Variants in ALKBH8 observed in about 807,000 individuals in gnomAD.
ALKBH8 encodes alkB homolog 8, tRNA methyltransferase, also known as tRNA (carboxymethyluridine(34)-5-O)-methyltransferase ALKBH8.
ALKBH8 carries 36 observed loss-of-function variants against 59.8 expected under a neutral mutation model. The ratio of observed to expected loss-of-function variants is 0.60; its 90% confidence interval spans 0.46 to 0.79. The LOEUF (loss-of-function observed/expected upper bound fraction) is 0.79, where lower values mean the gene tolerates loss of function less well. Ranked by LOEUF, ALKBH8 falls within the 30% of genes least tolerant of loss-of-function variation. The pLI is 0.00. For missense variants in ALKBH8, 768 were observed against 801.0 expected (o/e 0.96, Z 0.50); for synonymous variants, 276 against 273.6 (o/e 1.01, Z -0.09).
At chr11:107,524,464 T>C (rs930516855) in intron 9 of ALKBH8, among the ~76,000 whole-genome samples, 2 of 152,198 alleles carry the variant, frequency 1.3e-5, no homozygotes, top group Non-Finnish European at 2.9e-5. Context: ...ATAAGAAAAC[T>C]AGCTTGTCTC....
At chr11:107,513,817 C>A (rs1265675142) in intron 10 of ALKBH8, among the ~76,000 whole-genome samples, 1 of 151,982 alleles carries the variant, frequency 6.6e-6, no homozygotes, top group Non-Finnish European at 1.5e-5. Flanking sequence ...CATGTTTTCA[C>A]GTATAAGTAA....
At chr11:107,517,265 C>T (rs1039063098) in intron 10 of ALKBH8, among the ~76,000 whole-genome samples, 3 of 152,060 alleles carry the variant, frequency 2.0e-5, no homozygotes, top group African/African-American at 7.2e-5. Context: ...CAAAAGATAA[C>T]AAACGGCGTT....
chr11:107,549,827 A>G lies in ALKBH8; in HGVS notation c.701-4T>C. 1 of 1,543,286 alleles carries G rather than the reference A, an allele frequency of 6.5e-7. No individual in the cohort carries two copies. The highest frequency in any genetic ancestry group is 8.8e-7 in the Non-Finnish European group (1 of 1,139,918). On this transcript the variant is annotated splice_region_variant and splice_polypyrimidine_tract_variant and intron_variant, in intron 6 of 11. Transcript: ENST00000428149. ...GTATCAATATGAGCGGGAATTCCTG[A>G]GATGGAAAACAGGACAACACGTCAC...
intron 10 of ALKBH8, among the ~76,000 whole-genome samples, chr11:107,513,052 G>A (rs569393330): frequency 5.3e-5 from 8 of 152,262 alleles, no homozygotes; most frequent in Non-Finnish European, 1.0e-4. Flanking sequence ...TGACAAATGG[G>A]ACCTAATTAA....
At chr11:107,514,953 C>G (rs1267435779) in intron 10 of ALKBH8, among the ~76,000 whole-genome samples, 2 of 152,152 alleles carry the variant, frequency 1.3e-5, no homozygotes, top group Non-Finnish European at 2.9e-5. Flanking sequence ...CTCTCCTTGC[C>G]AGGCTCTTAT....
chr11:107,521,502 G>A (rs1284669693), intron 10 of ALKBH8, among the ~76,000 whole-genome samples: 1 of 152,028 alleles, frequency 6.6e-6, no homozygotes, highest in Non-Finnish European at 1.5e-5. Context: ...AGGAATGTCA[G>A]CTGCTCTCGT....
Position 107,511,031 on chromosome 11 carries a change from A to G in ALKBH8, c.1293T>C (p.Gly431=). The G allele has an allele frequency of 6.4e-7, 1 of 1,551,270 alleles. No individual in the cohort carries two copies. The highest frequency in any genetic ancestry group is 8.7e-7 in the Non-Finnish European group (1 of 1,146,818). The change falls in exon 11 of 12, where the codon GGT becomes GGC. Residue 431 remains glycine, a synonymous_variant. Transcript: ENST00000428149. Reference sequence around the variant, plus strand: ...CCACAAGGTTTTGGCTACGATCACAACCAATCTGTAACAGAGAAGGAATTC... The same window carrying G: ...CCACAAGGTTTTGGCTACGATCACAGCCAATCTGTAACAGAGAAGGAATTC... The part of the protein sequence containing the change: ...LGINKELYMI[G]CDRSQNLVDI...
intron 6 of ALKBH8, among the ~76,000 whole-genome samples, chr11:107,550,518 G>GC (rs1864444547): frequency 6.6e-6 from 1 of 152,188 alleles, no homozygotes; most frequent in Non-Finnish European, 1.5e-5. Context: ...ACAGGCCTCT[G>GC]CGTCTTTAAG....
At chr11:107,532,930 T>A (rs1368692515) in intron 7 of ALKBH8, among the ~76,000 whole-genome samples, 1 of 152,148 alleles carries the variant, frequency 6.6e-6, no homozygotes, top group Non-Finnish European at 1.5e-5. Flanking sequence ...TAGCTATTGT[T>A]TTTATTATTC....
intron 8 of ALKBH8, among the ~76,000 whole-genome samples, chr11:107,527,778 C>T (rs1280162477): frequency 6.6e-6 from 1 of 151,966 alleles, no homozygotes; most frequent in Non-Finnish European, 1.5e-5. Flanking sequence ...AATTTTACTC[C>T]TTCCTTTCAA....
At chr11:107,523,422 AGAG>A (rs1234528074) in intron 9 of ALKBH8, among the ~76,000 whole-genome samples, 1 of 152,110 alleles carries the variant, frequency 6.6e-6, no homozygotes, top group Non-Finnish European at 1.5e-5. Flanking sequence ...CACAGAATAG[AGAG>A]TAGTAGAATG....
rs557712112 is a variant in ALKBH8, at chr11:107,542,151, A to G, written c.771+7602T>C. Among the ~76,000 whole-genome samples, 4 of 152,278 alleles carry G rather than the reference A, an allele frequency of 2.6e-5. No individual in the cohort carries two copies. In the East Asian group the frequency reaches 7.7e-4, roughly 29 times the overall value. On this transcript the variant is annotated intron_variant, in intron 7 of 11. Coordinates refer to ENST00000428149, the MANE Select transcript of ALKBH8 (RefSeq NM_138775.3). ...AAGAATGGGGGCAGGGGCAAAATCT[A>G]CAGAGGCAATTACTAAGCATTTTCC... is the stretch of plus-strand genomic sequence containing the variant.
Position 107,510,867 on chromosome 11 carries a change from G to A in ALKBH8, c.1437+20C>T. The A allele has an allele frequency of 1.3e-6, 2 of 1,548,942 alleles. No homozygotes were observed. The highest frequency in any genetic ancestry group is 1.7e-6 in the Non-Finnish European group (2 of 1,145,996). ...CTGCTTTAGCTACAAGTTCTTAAGA[G>A]AAAGAAAGACCATACTTACTGCTGT... On this transcript the variant is annotated intron_variant, in intron 11 of 11. Coordinates refer to ENST00000428149, the MANE Select transcript of ALKBH8 (RefSeq NM_138775.3).
intron 9 of ALKBH8, among the ~76,000 whole-genome samples, chr11:107,524,039 T>A (rs1194449708): frequency 6.6e-6 from 1 of 152,112 alleles, no homozygotes; most frequent in Non-Finnish European, 1.5e-5. Flanking sequence ...TAAACATTTA[T>A]AATTTGGGGG....
intron 9 of ALKBH8, among the ~76,000 whole-genome samples, chr11:107,524,995 CAT>C (rs1031282690): frequency 1.3e-5 from 2 of 152,172 alleles, no homozygotes; most frequent in African/African-American, 4.8e-5. Context: ...TTGACTAAAA[CAT>C]AAACTGTCGC....
intron 1 of ALKBH8, 128 bp downstream of exon 1, chr11:107,565,473 G>A: frequency 1.5e-5 from 21 of 1,373,996 alleles, no homozygotes; most frequent in Non-Finnish European, 2.1e-5. Context: ...GGGCGCCTCT[G>A]GGATCCATCC....
intron 9 of ALKBH8, 147 bp from the exon 10 acceptor site, chr11:107,522,702 A>C: frequency 9.7e-7 from 1 of 1,027,582 alleles, no homozygotes; most frequent in Non-Finnish European, 1.4e-6. Flanking sequence ...GTTCTTCCCT[A>C]ATAAGTCTAC....
In ALKBH8 at chr11:107,504,437, C is replaced by T; in HGVS notation, c.*221G>A. 1 of 658,598 alleles carries T rather than the reference C, an allele frequency of 1.5e-6. No homozygotes were observed. The highest frequency in any genetic ancestry group is 2.7e-5 in the Admixed American group (1 of 36,666). 40.8% of individuals were successfully genotyped at this position (658,598 alleles called of 1,614,324 possible). A position where few individuals can be genotyped will look rare whatever the true frequency, so the allele number is the denominator to read the frequency against. On this transcript the variant is annotated 3_prime_UTR_variant, in exon 12 of 12. Transcript: ENST00000428149. ...TGCTTCAATCACTTTTAGAAACCAC[C>T]TCTCCTAGGGAAGTAGGAGGAGCCA...
At chr11:107,519,941 A>G (rs1040528430) in intron 10 of ALKBH8, among the ~76,000 whole-genome samples, 2 of 152,234 alleles carry the variant, frequency 1.3e-5, no homozygotes, top group Non-Finnish European at 1.5e-5. Context: ...AATGATCTAT[A>G]CTAAATATTT....
Sources: gnomAD v4.1 joint callset for allele counts (sites outside exome capture counted in the v4.1 genomes callset) on GRCh38, gnomAD v4.1.1 for gene constraint, MANE v1.5 for transcripts, NCBI Gene and HGNC (gene_info 2026-07-23, HGNC 2026-07-21) for gene names.